The following GAB1 variants were observed in gnomAD, a reference collection of about 807,000 sequenced individuals.
GAB1 encodes the protein GRB2-associated-binding protein 1.
GAB1 carries 19 observed loss-of-function variants against 66.5 expected under a neutral mutation model. The observed-to-expected ratio is 0.29, with a 90% CI of 0.20 to 0.42. The LOEUF (loss-of-function observed/expected upper bound fraction) is 0.42, where lower values mean the gene tolerates loss of function less well. GAB1 is among the 10% of genes least tolerant of loss of function. GAB1 has a pLI of 1.00. For missense variants in GAB1, 732 were observed against 858.5 expected (o/e 0.85, Z 1.84); for synonymous variants, 294 against 301.4 (o/e 0.98, Z 0.25).
intron 2 of GAB1, among the ~76,000 whole-genome samples, chr4:143,419,649 A>T (rs17017767): frequency 2.5e-3 from 382 of 152,258 alleles, no homozygotes; most frequent in African/African-American, 8.8e-3. Context: ...GTATCTAAGG[A>T]CTTTAATCTG....
intron 8 of GAB1, 97 bp downstream of exon 8, chr4:143,460,584 A>G: frequency 9.0e-7 from 1 of 1,107,208 alleles, no homozygotes; most frequent in Admixed American, 2.3e-5. Context: ...GTATCTTTAT[A>G]TACTTAAGAA....
intron 1 of GAB1, among the ~76,000 whole-genome samples, chr4:143,404,142 A>G (rs574042979): frequency 6.6e-6 from 1 of 152,352 alleles, no homozygotes; most frequent in South Asian, 2.1e-4. Flanking sequence ...TTTGCTGGAA[A>G]TTCAAAACAG....
At chr4:143,420,325 C>CA (rs1732946517) in intron 2 of GAB1, among the ~76,000 whole-genome samples, 1 of 152,056 alleles carries the variant, frequency 6.6e-6, no homozygotes, top group South Asian at 2.1e-4. Context: ...TAACTGTCCC[C>CA]AGTCCCTGTG....
chr4:143,349,201 ATATAT>A, intron 1 of GAB1: 2 of 534,046 alleles, frequency 3.7e-6, no homozygotes, highest in Non-Finnish European at 6.4e-6. Context: ...TGGAGTAGTT[ATATAT>A]TATTTTTCAT....
rs1736183324 is a variant in GAB1, at chr4:143,474,142, C to T, written c.*4953C>T. ...TTGGGTAACATGTCCCCTTAGATTT[C>T]CTGATTTAAAATTATACAAAATTAC... On this transcript the variant is annotated 3_prime_UTR_variant, in exon 10 of 10. Transcript: ENST00000262994. 1 of 151,946 alleles carries T rather than the reference C, an allele frequency of 6.6e-6. No homozygotes were observed. The highest frequency in any genetic ancestry group is 1.5e-5 in the Non-Finnish European group (1 of 67,990). The allele number at this position is 151,946 out of a possible 1,614,324, so 9.4% of individuals were successfully genotyped here.
chr4:143,450,365 A>G (rs1734851994), intron 6 of GAB1, among the ~76,000 whole-genome samples: 1 of 152,198 alleles, frequency 6.6e-6, no homozygotes, highest in Non-Finnish European at 1.5e-5. Flanking sequence ...TGGGAAGAGT[A>G]AAAAATTTAG....
At chr4:143,439,631 G>A (rs1226590808) in intron 4 of GAB1, 171 bp from the exon 5 acceptor site, 1 of 578,526 alleles carries the variant, frequency 1.7e-6, no homozygotes, top group African/African-American at 1.9e-5. Flanking sequence ...ATTTTCTAGT[G>A]GTTTAATATG....
chr4:143,368,657 T>C (rs1304658595), intron 1 of GAB1, among the ~76,000 whole-genome samples: 1 of 152,196 alleles, frequency 6.6e-6, no homozygotes, highest in African/African-American at 2.4e-5. Context: ...TTATAATACT[T>C]ATAAAGTTAT....
chr4:143,465,041 C>T (rs989427791), intron 8 of GAB1, among the ~76,000 whole-genome samples: 1 of 152,056 alleles, frequency 6.6e-6, no homozygotes, highest in African/African-American at 2.4e-5. Context: ...ATCAACAGTG[C>T]ACAAGGATGA....
rs1736104932 is a variant in GAB1 at position 143,472,064 on chromosome 4, G to A, written c.*2875G>A. ...CTGAAAAATTGTAAGATTTTATGAA[G>A]GTTTGAATACTGAAGCACAGTTCTG... is the stretch of plus-strand genomic sequence containing the variant. On this transcript the variant is annotated 3_prime_UTR_variant, in exon 10 of 10. Transcript: ENST00000262994. 2 of 152,002 alleles carry A rather than the reference G, an allele frequency of 1.3e-5. No individual in the cohort carries two copies. The highest frequency in any genetic ancestry group is 2.9e-5 in the Non-Finnish European group (2 of 67,982). The allele number at this position is 152,002 out of a possible 1,614,324, so 9.4% of individuals were successfully genotyped here.
At chr4:143,434,211 T>TAG in intron 3 of GAB1, 1 of 1,031,418 alleles carries the variant, frequency 9.7e-7, no homozygotes. Context: ...GAGAAATTAA[T>TAG]CATAAGGTAA....
At chr4:143,355,224 G>A (rs1729395609) in intron 1 of GAB1, among the ~76,000 whole-genome samples, 1 of 152,184 alleles carries the variant, frequency 6.6e-6, no homozygotes, top group African/African-American at 2.4e-5. Flanking sequence ...GTTTCAGCAT[G>A]CAGAGATAAG....
Position 143,439,837 on chromosome 4 carries a change from G to A in GAB1, c.1231G>A (p.Ala411Thr), listed in dbSNP as rs2149757715. The change falls in exon 5 of 10, where the codon GCA becomes ACA. Residue 411 changes from alanine to threonine, a missense_variant. Around this residue, in one of 4 missense-constraint regions of GAB1, gnomAD observed 427 missense variants for 420.6 expected, o/e 1.02. Coordinates refer to ENST00000262994, the MANE Select transcript of GAB1 (RefSeq NM_002039.4). ...SSQDCYDIPR[A>T]FPSDRSSSLE... ...TCAAGACTGCTATGATATTCCACGA[G>A]CATTTCCAAGTGATAGATCTAGTTC... The A allele has an allele frequency of 1.2e-6, 2 of 1,613,510 alleles. No individual in the cohort carries two copies. The highest frequency in any genetic ancestry group is 1.7e-6 in the Non-Finnish European group (2 of 1,179,522).
rs563203938 is a variant in GAB1 at position 143,454,567 on chromosome 4, G to A, written c.1586-4818G>A. The stretch of plus-strand genomic sequence containing the variant: ...TCTGATTGGTGAATGATGGTGGTAG[G>A]TAAAACCAGTTTTAGAGTCATGGCA... On this transcript the variant is annotated intron_variant, in intron 6 of 9. Coordinates refer to ENST00000262994, the MANE Select transcript of GAB1 (RefSeq NM_002039.4). Among the ~76,000 whole-genome samples the A allele has an allele frequency of 3.3e-5, 5 of 152,308 alleles. No homozygotes were observed. In the South Asian group the frequency reaches 1.0e-3, roughly 32 times the overall value.
chr4:143,457,615 T>TTTTC, intron 6 of GAB1: 1 of 497,708 alleles, frequency 2.0e-6, no homozygotes, highest in Non-Finnish European at 3.3e-6. Flanking sequence ...TTTTTTTTTT[T>TTTTC]ACAGAATCCA....
At chr4:143,418,215 G>A (rs1732800540) in intron 2 of GAB1, among the ~76,000 whole-genome samples, 1 of 152,238 alleles carries the variant, frequency 6.6e-6, no homozygotes, top group Non-Finnish European at 1.5e-5. Context: ...GAGCTCTAGT[G>A]ATTAAAAACC....
Position 143,473,855 on chromosome 4 carries a change from T to C in GAB1, c.*4666T>C, listed in dbSNP as rs1736177181. ...ACTCTGACTCTTCACTGAATCATAT[T>C]TGGGAAGTTTGGGTAGGGTGAGGCT... On this transcript the variant is annotated 3_prime_UTR_variant, in exon 10 of 10. Transcript: ENST00000262994. 1 of 152,212 alleles carries C rather than the reference T, an allele frequency of 6.6e-6. No individual in the cohort carries two copies. Among genetic ancestry groups the C allele is most frequent in the Non-Finnish European group, 1.5e-5 (1 of 68,030 alleles). The allele number at this position is 152,212 out of a possible 1,614,324, so 9.4% of individuals were successfully genotyped here. A position where few individuals can be genotyped will look rare whatever the true frequency, so the allele number is the denominator to read the frequency against.
chr4:143,370,406 A>T (rs1730069092), intron 1 of GAB1, among the ~76,000 whole-genome samples: 1 of 151,946 alleles, frequency 6.6e-6, no homozygotes, highest in East Asian at 1.9e-4. Flanking sequence ...GTGTAGAACA[A>T]GGATTGTTGC....
At chr4:143,358,785 C>G (rs1729545673) in intron 1 of GAB1, among the ~76,000 whole-genome samples, 1 of 152,202 alleles carries the variant, frequency 6.6e-6, no homozygotes, top group Non-Finnish European at 1.5e-5. Flanking sequence ...TAAATATTGA[C>G]TTGTATGTTT....
Sources: allele counts gnomAD v4.1 joint callset (sites outside exome capture counted in the v4.1 genomes callset), GRCh38; gene constraint gnomAD v4.1.1; regional missense constraint gnomAD v4.1.1; transcripts MANE v1.5; gene names NCBI Gene and HGNC (gene_info 2026-07-23, HGNC 2026-07-21).